TIAM2: variants seen among roughly 807,000 people sequenced by gnomAD.
TIAM2 encodes TIAM Rac1 associated GEF 2, also known as rho guanine nucleotide exchange factor TIAM2.
A neutral mutation model predicts 152.9 loss-of-function variants in TIAM2; 80 were observed. That is an observed-to-expected ratio of 0.52 (90% CI 0.44 to 0.63). The LOEUF is 0.63. Among genes scored for constraint, TIAM2 ranks in the 30% least tolerant of loss-of-function variants. The pLI, the probability that TIAM2 is intolerant of heterozygous loss-of-function variation, is 0.00. For missense variants in TIAM2, 1,965 were observed against 2,120.1 expected (o/e 0.93, Z 1.44); for synonymous variants, 804 against 838.0 (o/e 0.96, Z 0.70).
At chr6:155,115,195 T>G (rs987207798) in intron 2 of TIAM2, among the ~76,000 whole-genome samples, 12 of 151,880 alleles carry the variant, frequency 7.9e-5, no homozygotes, top group Admixed American at 7.9e-4. Flanking sequence ...AAGGAATAAT[T>G]TCAGATTAAG....
At chr6:155,029,497 T>TAC (rs1209332280) in intron 1 of TIAM2, among the ~76,000 whole-genome samples, 4 of 24,482 alleles carry the variant, frequency 1.6e-4, no homozygotes, top group Non-Finnish European at 2.2e-4. Context: ...ATAGTATATA[T>TAC]TATATATAAT....
At chr6:155,188,643 A>G (rs1182671250) in intron 14 of TIAM2, among the ~76,000 whole-genome samples, 2 of 152,232 alleles carry the variant, frequency 1.3e-5, no homozygotes, top group Non-Finnish European at 2.9e-5. Context: ...AGACCTGTTT[A>G]TACTGGGATC....
intron 2 of TIAM2, among the ~76,000 whole-genome samples, chr6:155,105,648 A>T (rs1169487183): frequency 6.6e-6 from 1 of 150,798 alleles, no homozygotes; most frequent in Non-Finnish European, 1.5e-5. Context: ...TGGTAGAGAC[A>T]GTCTCCCTAT....
At chr6:155,247,490 G>A (rs139880459) in intron 19 of TIAM2, among the ~76,000 whole-genome samples, 4 of 152,104 alleles carry the variant, frequency 2.6e-5, no homozygotes, top group East Asian at 3.9e-4. Flanking sequence ...CACCACGCCC[G>A]GCGAATTTTT....
intron 9 of TIAM2, among the ~76,000 whole-genome samples, chr6:155,165,934 C>G (rs1780424786): frequency 6.6e-6 from 1 of 151,984 alleles, no homozygotes. Flanking sequence ...TGCTTAAGAA[C>G]AGAAAAAATA....
intron 7 of TIAM2, among the ~76,000 whole-genome samples, chr6:155,155,594 C>T (rs1233703275): frequency 6.6e-6 from 1 of 152,214 alleles, no homozygotes; most frequent in Non-Finnish European, 1.5e-5. Flanking sequence ...CCTGCCTTAG[C>T]CTCCTGGGTA....
At chr6:155,160,404 A>C (rs2115091050) in intron 7 of TIAM2, among the ~76,000 whole-genome samples, 1 of 152,322 alleles carries the variant, frequency 6.6e-6, no homozygotes, top group African/African-American at 2.4e-5. Flanking sequence ...GGCAATCCGC[A>C]TTACTCAGTC....
At chr6:155,212,457 T>C (rs1050627297) in intron 15 of TIAM2, among the ~76,000 whole-genome samples, 9 of 152,266 alleles carry the variant, frequency 5.9e-5, no homozygotes, top group Non-Finnish European at 1.2e-4. Flanking sequence ...AGTCCAGTTT[T>C]AATCGATTTT....
intron 1 of TIAM2, among the ~76,000 whole-genome samples, chr6:155,040,786 T>C (rs982796414): frequency 1.3e-5 from 2 of 152,164 alleles, no homozygotes; most frequent in African/African-American, 4.8e-5. Context: ...CCCAAAGTGC[T>C]GGGATTACAG....
intron 1 of TIAM2, among the ~76,000 whole-genome samples, chr6:155,013,065 C>T (rs1041936214): frequency 6.6e-6 from 1 of 152,106 alleles, no homozygotes; most frequent in African/African-American, 2.4e-5. Context: ...CGTCCTCTCA[C>T]TTCTTCTCCT....
In TIAM2 at chr6:155,130,006, C is replaced by G; in HGVS notation, c.783C>G (p.Ser261Arg). 1 of 1,614,116 alleles carries G rather than the reference C, an allele frequency of 6.2e-7. No homozygotes were observed. Among genetic ancestry groups the G allele is most frequent in the South Asian group, 1.1e-5 (1 of 91,086 alleles). The change falls in exon 4 of 27, where the codon AGC becomes AGG. Residue 261 changes from serine to arginine, a missense_variant. By Grantham distance (110) the Ser-to-Arg change is moderately radical (BLOSUM62 -1). Coordinates refer to ENST00000682666, the MANE Select transcript of TIAM2 (RefSeq NM_012454.4). Reference protein sequence around the residue: ...DSPWGNAGELSEAEGSFLAPG... With the variant: ...DSPWGNAGELREAEGSFLAPG... ...CTTGGGGCAATGCTGGAGAGCTGAGCGAGGCTGAGGGCTCCTTCCTGGCCC... is the reference window on the plus strand; with the variant it reads ...CTTGGGGCAATGCTGGAGAGCTGAGGGAGGCTGAGGGCTCCTTCCTGGCCC...
intron 5 of TIAM2, among the ~76,000 whole-genome samples, chr6:155,138,237 A>G (rs1011004330): frequency 3.3e-5 from 5 of 152,184 alleles, no homozygotes; most frequent in Admixed American, 6.5e-5. Flanking sequence ...TTTGGAGAAA[A>G]AAAAGTCAGT....
chr6:155,047,766 G>A (rs1264417123), intron 1 of TIAM2, among the ~76,000 whole-genome samples: 1 of 149,816 alleles, frequency 6.7e-6, no homozygotes, highest in African/African-American at 2.5e-5. Flanking sequence ...GAAGACTTGA[G>A]TGAGGACCCC....
intron 5 of TIAM2, 27 bp from the exon 6 acceptor site, chr6:155,144,579 A>G (rs1779782172): frequency 6.7e-7 from 1 of 1,490,144 alleles, no homozygotes; most frequent in African/African-American, 1.5e-5. Context: ...TCTGACCGGG[A>G]TGTTATTTTG....
At chr6:155,127,093 CT>C (rs1280237480) in intron 2 of TIAM2, among the ~76,000 whole-genome samples, 1 of 152,188 alleles carries the variant, frequency 6.6e-6, no homozygotes, top group Admixed American at 6.5e-5. Flanking sequence ...ATATTTTGGG[CT>C]TTGTTTTTGC....
intron 1 of TIAM2, among the ~76,000 whole-genome samples, chr6:155,048,759 G>A (rs552387538): frequency 5.3e-4 from 81 of 151,856 alleles, no homozygotes; most frequent in Admixed American, 1.0e-3. Context: ...CTCAGTGCAT[G>A]TTTGAACAGA....
chr6:155,074,405 T>G (rs981601763), intron 1 of TIAM2, among the ~76,000 whole-genome samples: 2 of 152,172 alleles, frequency 1.3e-5, no homozygotes, highest in Non-Finnish European at 2.9e-5. Context: ...CAGGCTGGAA[T>G]GGCATGATCT....
At chr6:155,220,282 CTT>C (rs1438168039) in intron 15 of TIAM2, among the ~76,000 whole-genome samples, 1 of 152,232 alleles carries the variant, frequency 6.6e-6, no homozygotes, top group Non-Finnish European at 1.5e-5. Context: ...TTGAACGAGA[CTT>C]TGGCTGGGGC....
intron 2 of TIAM2, among the ~76,000 whole-genome samples, chr6:155,118,582 G>A (rs765682679): frequency 2.6e-5 from 4 of 151,568 alleles, no homozygotes; most frequent in African/African-American, 9.7e-5. Flanking sequence ...ACAGGCGCCC[G>A]CCACCACACC....
Sources: allele counts gnomAD v4.1 joint callset (sites outside exome capture counted in the v4.1 genomes callset), GRCh38; gene constraint gnomAD v4.1.1; transcripts MANE v1.5; gene names NCBI Gene and HGNC (gene_info 2026-07-23, HGNC 2026-07-21).